DRC9: variants seen among roughly 807,000 people sequenced by gnomAD.
The protein encoded by DRC9 is dynein regulatory complex subunit 9, also known as dynein regulatory complex protein 9.
the DRC9 span, among the ~76,000 whole-genome samples, chr3:197,923,369 C>G: frequency 1.3e-5 from 2 of 152,084 alleles, no homozygotes; most frequent in African/African-American, 4.8e-5. Flanking sequence ...GGTCTTAAAC[C>G]CCAGGCCTCA....
the DRC9 span, among the ~76,000 whole-genome samples, chr3:197,921,756 T>C: frequency 6.7e-6 from 1 of 149,500 alleles, no homozygotes; most frequent in Non-Finnish European, 1.5e-5. Context: ...TGGTTTTCAG[T>C]AACTCTGGGG....
chr3:197,896,005 C>T, the DRC9 span, among the ~76,000 whole-genome samples: 2 of 123,716 alleles, frequency 1.6e-5, no homozygotes, highest in Non-Finnish European at 3.3e-5. Context: ...TAAGTAATTA[C>T]TGCAACTGGG....
At chr3:197,943,671 G>A in the DRC9 span, 31 of 999,648 alleles carry the variant, frequency 3.1e-5, no homozygotes, top group African/African-American at 4.7e-4. Context: ...GAAGGAAAGA[G>A]AGAGAGAGAA....
chr3:197,938,410 C>T, the DRC9 span: 1 of 674,428 alleles, frequency 1.5e-6, no homozygotes, highest in Non-Finnish European at 2.6e-6. Flanking sequence ...CAGTCTTTAG[C>T]TAATTCTATT....
the DRC9 span, among the ~76,000 whole-genome samples, chr3:197,908,652 G>C: frequency 6.9e-6 from 1 of 144,122 alleles, no homozygotes; most frequent in African/African-American, 2.6e-5. Context: ...CAGGTCTGAA[G>C]AGCAACCCTT....
chr3:197,949,325 C>T, the DRC9 span: 1 of 152,198 alleles, frequency 6.6e-6, no homozygotes, highest in Non-Finnish European at 1.5e-5. Context: ...AAATGTGAAT[C>T]TCTGGCGTCC....
chr3:197,925,455 T>TG, the DRC9 span, among the ~76,000 whole-genome samples: 1 of 25,176 alleles, frequency 4.0e-5, no homozygotes, highest in East Asian at 9.6e-4. Context: ...TGGGGGAGGG[T>TG]GGGGGTGTAT....
At chr3:197,893,357 CAAAAAAAAA>C in the DRC9 span, among the ~76,000 whole-genome samples, 1 of 43,248 alleles carries the variant, frequency 2.3e-5, no homozygotes, top group Admixed American at 3.0e-4. Flanking sequence ...AACTCCGTCT[CAAAAAAAAA>C]AAAAAAAAAA....
the DRC9 span, among the ~76,000 whole-genome samples, chr3:197,948,260 T>C: frequency 1.3e-5 from 2 of 152,208 alleles, no homozygotes; most frequent in Non-Finnish European, 1.5e-5. Context: ...AGTATTCTTA[T>C]CATGCTCTAC....
chr3:197,926,550 G>A, the DRC9 span, among the ~76,000 whole-genome samples: 1 of 152,068 alleles, frequency 6.6e-6, no homozygotes. Flanking sequence ...GTGAGTTGAT[G>A]TGCTGGATGT....
chr3:197,895,989 A>AAAC, the DRC9 span, among the ~76,000 whole-genome samples: 4 of 150,218 alleles, frequency 2.7e-5, no homozygotes, highest in Non-Finnish European at 4.4e-5. Flanking sequence ...AAAAAAAAAA[A>AAAC]AAAATTAAGT....
At chr3:197,931,040 GAAAAA>G in the DRC9 span, among the ~76,000 whole-genome samples, 1 of 128,554 alleles carries the variant, frequency 7.8e-6, no homozygotes, top group Non-Finnish European at 1.7e-5. Flanking sequence ...CTCAAAAAAA[GAAAAA>G]AAAAAGAAAA....
chr3:197,922,522 A>G, the DRC9 span, among the ~76,000 whole-genome samples: 2 of 152,056 alleles, frequency 1.3e-5, no homozygotes, highest in Non-Finnish European at 2.9e-5. Context: ...CCTGGCCAAT[A>G]TGGTGAAACC....
the DRC9 span, among the ~76,000 whole-genome samples, chr3:197,922,645 G>A: frequency 5.9e-5 from 9 of 152,078 alleles, no homozygotes; most frequent in East Asian, 5.8e-4. Flanking sequence ...GACGGAGGTC[G>A]CAGTGAGCCA....
chr3:197,905,392 A>C, the DRC9 span, among the ~76,000 whole-genome samples: 1 of 152,174 alleles, frequency 6.6e-6, no homozygotes, highest in Non-Finnish European at 1.5e-5. Context: ...AATTAGAAAA[A>C]GAAAAGAGTT....
the DRC9 span, chr3:197,957,835 G>A: frequency 6.6e-6 from 1 of 152,214 alleles, no homozygotes; most frequent in Admixed American, 6.5e-5. Flanking sequence ...TTCAGGGATA[G>A]AGGCATGTAG....
chr3:197,892,515 GATT>G, the DRC9 span: 1 of 1,301,994 alleles, frequency 7.7e-7, no homozygotes, highest in Non-Finnish European at 1.1e-6. Flanking sequence ...TGAGCACCCT[GATT>G]CCTTCCACTC....
the DRC9 span, among the ~76,000 whole-genome samples, chr3:197,927,545 A>G: frequency 6.6e-6 from 1 of 152,208 alleles, no homozygotes; most frequent in Admixed American, 6.5e-5. Context: ...TAGAAAGCAC[A>G]TAGTTAATTA....
the DRC9 span, among the ~76,000 whole-genome samples, chr3:197,918,962 C>G: frequency 4.6e-5 from 7 of 152,176 alleles, no homozygotes; most frequent in African/African-American, 7.2e-5. Context: ...GCACCTGCCA[C>G]TACGCTGGGC....
Sources: allele counts gnomAD v4.1 joint callset (sites outside exome capture counted in the v4.1 genomes callset), GRCh38; gene constraint gnomAD v4.1.1; transcripts MANE v1.5; gene names NCBI Gene and HGNC (gene_info 2026-07-23, HGNC 2026-07-21).